Variants in TAF2 observed in about 807,000 individuals in gnomAD.
The protein encoded by TAF2 is TATA-box binding protein associated factor 2.
TAF2 carries 61 observed loss-of-function variants against 138.5 expected under a neutral mutation model. That is an observed-to-expected ratio of 0.44 (90% CI 0.36 to 0.54). The LOEUF is 0.54. Ranked by LOEUF, TAF2 falls within the 20% of genes least tolerant of loss-of-function variation. The pLI is 0.00. For synonymous variants in TAF2, 475 were observed against 469.9 expected, an observed-to-expected ratio of 1.01 and a Z score of -0.14; for missense variants, 1,090 against 1,427.9, an observed-to-expected ratio of 0.76 and a Z score of 3.81.
At chr8:119,797,332 C>T (rs1274637951) in intron 7 of TAF2, among the ~76,000 whole-genome samples, 3 of 152,020 alleles carry the variant, frequency 2.0e-5, no homozygotes, top group Non-Finnish European at 2.9e-5. Flanking sequence ...AATATCAGTA[C>T]ATTTTTAAAT....
intron 18 of TAF2, among the ~76,000 whole-genome samples, chr8:119,774,491 A>ATT (rs11341545): frequency 6.8e-6 from 1 of 147,798 alleles, no homozygotes. Context: ...TTTTTTTGCA[A>ATT]TTTTTTTTTT....
intron 25 of TAF2, among the ~76,000 whole-genome samples, chr8:119,740,970 A>C (rs1819568705): frequency 6.6e-6 from 1 of 152,180 alleles, no homozygotes; most frequent in Admixed American, 6.5e-5. Flanking sequence ...GCCTCATGCC[A>C]AGAAAGGACC....
In TAF2 at chr8:119,758,107, T is replaced by C. The variant is rs1820822351; in HGVS notation, c.2734A>G (p.Asn912Asp). The part of the protein sequence containing the change: ...RSYEELQWLL[N>D]MIQNDPVPYV... Reference sequence around the variant, plus strand: ...GGTACAGGGTCATTCTGAATCATATTAAGTAGCCATTGCAGTTCTTCATAA... The same window carrying C: ...GGTACAGGGTCATTCTGAATCATATCAAGTAGCCATTGCAGTTCTTCATAA... The change falls in exon 21 of 26, where the codon AAT (asparagine) becomes GAT (aspartate). Residue 912 changes from asparagine (N) to aspartate (D), a missense_variant. Transcript: ENST00000378164. The C allele has an allele frequency of 6.2e-7, 1 of 1,613,296 alleles. No homozygotes were observed. Among genetic ancestry groups the C allele is most frequent in the Non-Finnish European group, 8.5e-7 (1 of 1,179,672 alleles).
chr8:119,781,102 A>G lies in TAF2; in HGVS notation c.2204T>C (p.Ile735Thr). 1 of 1,614,046 alleles carries G rather than the reference A, an allele frequency of 6.2e-7. No homozygotes were observed. Among genetic ancestry groups the G allele is most frequent in the Non-Finnish European group, 8.5e-7 (1 of 1,180,014 alleles). The change falls in exon 17 of 26, where the codon ATT (isoleucine) becomes ACT (threonine). Residue 735 changes from isoleucine (I) to threonine (T), a missense_variant. This residue lies in a region of TAF2 where 580 missense variants were observed against 719.6 expected (regional missense o/e 0.81). Coordinates refer to ENST00000378164, the MANE Select transcript of TAF2 (RefSeq NM_003184.4). ...RMFCCKSCPN[I>T]VKTNNFMSFQ... ...GCTCATAAAGTTGTTTGTTTTCACA[A>G]TGTTTGGACAACTTTTACAACAAAA...
intron 3 of TAF2, 74 bp from the exon 4 acceptor site, chr8:119,806,475 T>C (rs140154778): frequency 0.18 from 175,251 of 999,138 alleles, 7,681 homozygotes; most frequent in African/African-American, 0.38. Context: ...CTTTCTTTTT[T>C]TTTTTTTTTT....
rs543426550 is a variant in TAF2, at chr8:119,831,876, T to C, written c.84-145A>G. The C allele has an allele frequency of 3.7e-4, 201 of 541,640 alleles. No individual in the cohort carries two copies. In the East Asian group the frequency reaches 5.2e-3, roughly 14 times the overall value. The allele number at this position is 541,640 out of a possible 1,614,324, so 33.6% of individuals were successfully genotyped here. A position where few individuals can be genotyped will look rare whatever the true frequency, so the allele number is the denominator to read the frequency against. ...AATATTTCATTTTAAAACTACGAATTGGGGCCTGGTGCGGTGGCTCACGCC... is the reference window on the plus strand; with the variant it reads ...AATATTTCATTTTAAAACTACGAATCGGGGCCTGGTGCGGTGGCTCACGCC... On this transcript the variant is annotated intron_variant, in intron 1 of 25. Coordinates refer to ENST00000378164, the MANE Select transcript of TAF2 (RefSeq NM_003184.4).
chr8:119,819,400 G>T lies in TAF2; in HGVS notation c.245C>A (p.Ala82Asp). ...GGTTGGGTCATTATAAATAAAAGCA[G>T]CCTCTAAATCATTGATCCTTACTCG... The part of the protein sequence containing the change: ...IYRVRINDLE[A>D]AFIYNDPTLE... Residue 82 changes from alanine to aspartate, a missense_variant, in exon 3 of 26, where the codon GCT (alanine) becomes GAT (aspartate). Physicochemically the swap from Ala to Asp is moderately radical, Grantham distance 126. Around this residue, in one of 3 missense-constraint regions of TAF2, gnomAD observed 504 missense variants for 680.9 expected, o/e 0.74. Transcript: ENST00000378164. 1 of 1,612,954 alleles carries T rather than the reference G, an allele frequency of 6.2e-7. No homozygotes were observed. Among genetic ancestry groups the T allele is most frequent in the Non-Finnish European group, 8.5e-7 (1 of 1,179,650 alleles).
chr8:119,789,066 GT>G (rs1468461704), intron 12 of TAF2, among the ~76,000 whole-genome samples, 162 bp from the exon 13 acceptor site: 3 of 152,150 alleles, frequency 2.0e-5, no homozygotes, highest in Non-Finnish European at 4.4e-5. Context: ...CAAAGTACTT[GT>G]GAAAAATGCT....
chr8:119,830,794 A>C (rs917486391), intron 2 of TAF2, among the ~76,000 whole-genome samples: 2 of 152,212 alleles, frequency 1.3e-5, no homozygotes, highest in African/African-American at 4.8e-5. Flanking sequence ...TAGCCCTAAG[A>C]AAGTAAATTA....
At chr8:119,826,449 C>T (rs1212265388) in intron 2 of TAF2, among the ~76,000 whole-genome samples, 1 of 152,114 alleles carries the variant, frequency 6.6e-6, no homozygotes, top group East Asian at 1.9e-4. Context: ...TTGTAAATTG[C>T]CCAGTTTCAG....
At chr8:119,799,432 G>A (rs1362589417) in intron 6 of TAF2, among the ~76,000 whole-genome samples, 7 of 151,634 alleles carry the variant, frequency 4.6e-5, no homozygotes, top group Non-Finnish European at 1.0e-4. Flanking sequence ...TTGCGAGTTT[G>A]CTGAGAATAA....
intron 21 of TAF2, among the ~76,000 whole-genome samples, chr8:119,757,682 G>A (rs1213864005): frequency 1.3e-5 from 2 of 151,694 alleles, no homozygotes; most frequent in Non-Finnish European, 2.9e-5. Context: ...GATAACTTGA[G>A]GCCAGGAGTT....
chr8:119,788,771 AT>A lies in TAF2; in HGVS notation c.1683+18del, dbSNP rs1823212843. ...CTGAGGAGATAGCAGTACAAAGGCG[AT>A]TTTGGAAAAAGACTTACCACGTATT... is the stretch of plus-strand genomic sequence containing the variant. On this transcript the variant is annotated intron_variant, in intron 13 of 25. Coordinates refer to ENST00000378164, the MANE Select transcript of TAF2 (RefSeq NM_003184.4). The A allele has an allele frequency of 6.3e-7, 1 of 1,575,964 alleles. No individual in the cohort carries two copies. The highest frequency in any genetic ancestry group is 8.7e-7 in the Non-Finnish European group (1 of 1,145,454).
intron 5 of TAF2, among the ~76,000 whole-genome samples, chr8:119,803,114 A>C (rs1214168674): frequency 6.6e-6 from 1 of 152,158 alleles, no homozygotes; most frequent in Non-Finnish European, 1.5e-5. Flanking sequence ...CTGTTTCAAA[A>C]AAAATAAATA....
intron 20 of TAF2, among the ~76,000 whole-genome samples, chr8:119,759,528 T>TA (rs1159371620): frequency 1.3e-4 from 20 of 152,254 alleles, no homozygotes; most frequent in Admixed American, 5.9e-4. Flanking sequence ...ATTTTAGACT[T>TA]AGATTATATT....
At chr8:119,824,350 A>G (rs1360535068) in intron 2 of TAF2, among the ~76,000 whole-genome samples, 1 of 150,786 alleles carries the variant, frequency 6.6e-6, no homozygotes, top group Non-Finnish European at 1.5e-5. Flanking sequence ...AATTGCTTGA[A>G]CCCAGGAGGT....
intron 25 of TAF2, among the ~76,000 whole-genome samples, chr8:119,738,953 T>G (rs1293424294): frequency 6.6e-6 from 1 of 152,024 alleles, no homozygotes; most frequent in Non-Finnish European, 1.5e-5. Context: ...CAAAGTCTGT[T>G]TTTTGTACTG....
intron 25 of TAF2, among the ~76,000 whole-genome samples, chr8:119,740,594 G>C (rs1257727299): frequency 8.7e-5 from 13 of 149,036 alleles, no homozygotes; most frequent in Non-Finnish European, 1.5e-4. Flanking sequence ...GAACCCAGGA[G>C]GTGGAGGTTG....
At chr8:119,751,123 T>C (rs1820320716) in intron 22 of TAF2, among the ~76,000 whole-genome samples, 1 of 152,232 alleles carries the variant, frequency 6.6e-6, no homozygotes, top group African/African-American at 2.4e-5. Flanking sequence ...TAATGTATTT[T>C]AAAATTATTG....
Sources: gnomAD v4.1 joint callset for allele counts (sites outside exome capture counted in the v4.1 genomes callset) on GRCh38, gnomAD v4.1.1 for gene constraint, gnomAD v4.1.1 regional missense constraint, MANE v1.5 for transcripts, NCBI Gene and HGNC (gene_info 2026-07-23, HGNC 2026-07-21) for gene names.